Variants in CYB5B observed in about 807,000 individuals in gnomAD.
The protein encoded by CYB5B is cytochrome b5 type B (outer mitochondrial membrane).
Under a neutral mutation model 21.3 loss-of-function variants are expected in CYB5B, and 14 were observed. The observed-to-expected ratio is 0.66, with a 90% confidence interval of 0.43 to 1.03. The LOEUF (loss-of-function observed/expected upper bound fraction) is 1.03. Among genes scored for constraint, CYB5B ranks in the 50% least tolerant of loss-of-function variants. The probability of loss-of-function intolerance (pLI) is 0.00; values close to 1 mark genes in which losing one functional copy is unlikely to be tolerated. For synonymous variants in CYB5B, 69 were observed against 68.4 expected, an observed-to-expected ratio of 1.01 and a Z score of -0.04; for missense variants, 166 against 185.1, an observed-to-expected ratio of 0.90 and a Z score of 0.60.
chr16:69,431,893 A>G (rs551667334), intron 1 of CYB5B, among the ~76,000 whole-genome samples: 9 of 152,348 alleles, frequency 5.9e-5, no homozygotes, highest in Middle Eastern at 3.4e-3. Context: ...AAGAAAACAA[A>G]TGAGTTGAGA....
intron 2 of CYB5B, 41 bp downstream of exon 2, chr16:69,447,319 C>G: frequency 6.2e-7 from 1 of 1,600,800 alleles, no homozygotes; most frequent in Non-Finnish European, 8.5e-7. Context: ...GCAGAGAAAA[C>G]TACTTAACAG....
At chr16:69,458,193 C>A (rs1421583553) in intron 3 of CYB5B, among the ~76,000 whole-genome samples, 1 of 152,128 alleles carries the variant, frequency 6.6e-6, no homozygotes, top group Non-Finnish European at 1.5e-5. Context: ...ATGTACAAAT[C>A]AATGGTTTTT....
intron 1 of CYB5B, among the ~76,000 whole-genome samples, chr16:69,438,576 A>G (rs1020849324): frequency 1.3e-5 from 2 of 150,080 alleles, no homozygotes; most frequent in African/African-American, 4.9e-5. Context: ...GCAGGTGTAA[A>G]GTGGTGTCTC....
chr16:69,444,061 T>C (rs920348293), intron 1 of CYB5B: 1 of 152,358 alleles, frequency 6.6e-6, no homozygotes, highest in African/African-American at 2.4e-5. Flanking sequence ...GTTGTTGATG[T>C]AATATTCTCA....
intron 1 of CYB5B, among the ~76,000 whole-genome samples, chr16:69,444,558 C>T (rs1041838962): frequency 4.6e-5 from 7 of 151,970 alleles, no homozygotes; most frequent in Non-Finnish European, 8.8e-5. Context: ...AGCTCCCTGA[C>T]GTCTTTTTGC....
At position 69,452,331 on chromosome 16, in the gene CYB5B, AAAAG is replaced by A. The variant is rs764316002; in HGVS notation, c.333+4188_333+4191del. On this transcript the variant is annotated intron_variant, in intron 3 of 4. Transcript: ENST00000307892. ...TCCGCCTCAAAAAAAAAAAAAAAAA[AAAAG>A]GTAAAAAGCCTCATACATACTATTC... is the stretch of plus-strand genomic sequence containing the variant. 4.7e-3 allele frequency among the ~76,000 whole-genome samples: 708 copies of A among 151,778 alleles called. 6 individuals are homozygous for A. The Middle Eastern group carries it at 0.052, about 11-fold the overall frequency.
intron 1 of CYB5B, among the ~76,000 whole-genome samples, chr16:69,438,057 TA>T (rs2014779087): frequency 6.6e-6 from 1 of 152,196 alleles, no homozygotes; most frequent in African/African-American, 2.4e-5. Flanking sequence ...ACTTATTAAA[TA>T]ACTCCCTATT....
chr16:69,453,558 GT>G (rs1468369458), intron 3 of CYB5B, among the ~76,000 whole-genome samples: 2 of 151,810 alleles, frequency 1.3e-5, no homozygotes, highest in African/African-American at 4.8e-5. Context: ...TTTTTGTTTT[GT>G]TTTGTTTTTG....
chr16:69,445,258 T>C (rs2014866442), intron 1 of CYB5B, among the ~76,000 whole-genome samples: 1 of 152,178 alleles, frequency 6.6e-6, no homozygotes, highest in African/African-American at 2.4e-5. Context: ...TAATAACAAG[T>C]GAATCGTGGC....
chr16:69,433,505 T>C (rs2014727830), intron 1 of CYB5B, among the ~76,000 whole-genome samples: 1 of 146,670 alleles, frequency 6.8e-6, no homozygotes, highest in Non-Finnish European at 1.5e-5. Flanking sequence ...ATCTCAGGGA[T>C]CTTTCCATAG....
At chr16:69,429,196 T>C (rs1049459405) in intron 1 of CYB5B, among the ~76,000 whole-genome samples, 4 of 152,178 alleles carry the variant, frequency 2.6e-5, no homozygotes, top group African/African-American at 4.8e-5. Context: ...GTGAGTGTTA[T>C]AGCTCTTAAA....
intron 1 of CYB5B, among the ~76,000 whole-genome samples, chr16:69,439,694 G>A (rs2014799689): frequency 6.6e-6 from 1 of 151,684 alleles, no homozygotes; most frequent in Non-Finnish European, 1.5e-5. Context: ...AGCCTCCTGA[G>A]TAGCTGGAAT....
In CYB5B at chr16:69,462,965, TA is replaced by T. The variant is rs1481576575; in HGVS notation, c.*446del. The T allele has an allele frequency of 1.3e-5, 2 of 158,648 alleles. No individual in the cohort carries two copies. The highest frequency in any genetic ancestry group is 2.8e-5 in the Non-Finnish European group (2 of 71,486). 9.8% of individuals were successfully genotyped at this position (158,648 alleles called of 1,614,324 possible). On this transcript the variant is annotated 3_prime_UTR_variant, in exon 5 of 5. Transcript: ENST00000307892. ...TTTTTAAAAAATTCTGATTTAGGGC[TA>T]GGTGTGGTGGCTCAGGCCTGTAATC... is the stretch of plus-strand genomic sequence containing the variant.
chr16:69,434,227 C>T (rs2142811326), intron 1 of CYB5B, among the ~76,000 whole-genome samples: 1 of 152,266 alleles, frequency 6.6e-6, no homozygotes, highest in South Asian at 2.1e-4. Context: ...CTTATGATTT[C>T]ATTGTGTGAA....
rs2015069430 is a variant in CYB5B, at chr16:69,464,632, A to G, written c.*2112A>G. 6.6e-6 allele frequency: 1 copy of G among 152,624 alleles called. No individual in the cohort carries two copies. Among genetic ancestry groups the G allele is most frequent in the African/African-American group, 2.4e-5 (1 of 41,458 alleles). 9.5% of individuals were successfully genotyped at this position (152,624 alleles called of 1,614,324 possible). A position where few individuals can be genotyped will look rare whatever the true frequency, so the allele number is the denominator to read the frequency against. On this transcript the variant is annotated 3_prime_UTR_variant, in exon 5 of 5. Coordinates refer to ENST00000307892, the MANE Select transcript of CYB5B (RefSeq NM_030579.3). ...GTTGGCAATGTCCGAAATTGAATGA[A>G]AAACATCTGGCTTATAAGAAATGTT...
intron 4 of CYB5B, 37 bp downstream of exon 4, chr16:69,459,158 G>T: frequency 6.3e-7 from 1 of 1,590,438 alleles, no homozygotes; most frequent in Non-Finnish European, 8.5e-7. Flanking sequence ...TACGTTCAAG[G>T]TAATGTCTGG....
intron 3 of CYB5B, among the ~76,000 whole-genome samples, chr16:69,451,968 C>G (rs900654988): frequency 1.7e-4 from 24 of 144,754 alleles, no homozygotes; most frequent in African/African-American, 6.1e-4. Context: ...AAAAAATTCC[C>G]TCGTATATCC....
In CYB5B at chr16:69,424,825, C is replaced by T. The variant is rs758380037; in HGVS notation, c.142C>T (p.Arg48Ter). The change falls in exon 1 of 5, where the codon CGA becomes TGA. Residue 48 changes from arginine to a stop codon, truncating the protein, a stop_gained. Coordinates refer to ENST00000307892, the MANE Select transcript of CYB5B (RefSeq NM_030579.3). LOFTEE classifies it high-confidence loss of function. ...LKELWLVIHG[R>*]VYDVTRFLNE... ...GGAACTGTGGCTTGTGATCCATGGGCGAGTCTACGATGTCACCCGCTTCCT... is the reference window on the plus strand; with the variant it reads ...GGAACTGTGGCTTGTGATCCATGGGTGAGTCTACGATGTCACCCGCTTCCT... 4 of 1,598,016 alleles carry T rather than the reference C, an allele frequency of 2.5e-6. No individual in the cohort carries two copies. Among genetic ancestry groups the T allele is most frequent in the Non-Finnish European group, 3.4e-6 (4 of 1,172,040 alleles).
chr16:69,458,958 C>A, intron 3 of CYB5B, 135 bp from the exon 4 acceptor site: 1 of 747,030 alleles, frequency 1.3e-6, no homozygotes, highest in Non-Finnish European at 2.1e-6. Flanking sequence ...TTGTAAACAC[C>A]AAAATGCATG....
Sources: gnomAD v4.1 joint callset for allele counts (sites outside exome capture counted in the v4.1 genomes callset) on GRCh38, gnomAD v4.1.1 for gene constraint, MANE v1.5 for transcripts, NCBI Gene and HGNC (gene_info 2026-07-23, HGNC 2026-07-21) for gene names.